The following ARB2A variants were observed in gnomAD, a reference collection of about 807,000 sequenced individuals.
The protein encoded by ARB2A is cotranscriptional regulator ARB2A.
chr5:93,638,379 A>G, the ARB2A span, among the ~76,000 whole-genome samples: 1 of 152,216 alleles, frequency 6.6e-6, no homozygotes, highest in Non-Finnish European at 1.5e-5. Context: ...TTATATATCA[A>G]TTTGTGGAAA....
chr5:94,051,971 C>T, the ARB2A span, among the ~76,000 whole-genome samples: 9 of 152,086 alleles, frequency 5.9e-5, no homozygotes, highest in Non-Finnish European at 1.3e-4. Context: ...AGGCGCATGC[C>T]ACCACGCCTG....
the ARB2A span, among the ~76,000 whole-genome samples, chr5:93,851,628 A>G: frequency 6.6e-6 from 1 of 152,130 alleles, no homozygotes; most frequent in Non-Finnish European, 1.5e-5. Context: ...AACAGTGCCC[A>G]GAGTGTGATG....
At chr5:93,683,580 C>T in the ARB2A span, 4 of 1,450,628 alleles carry the variant, frequency 2.8e-6, no homozygotes, top group Admixed American at 5.0e-5. Flanking sequence ...CTAAACTGGC[C>T]GTTCTTAAGG....
the ARB2A span, among the ~76,000 whole-genome samples, chr5:93,930,697 G>C: frequency 6.6e-6 from 1 of 152,194 alleles, no homozygotes; most frequent in East Asian, 1.9e-4. Flanking sequence ...CCCTCTTCTT[G>C]TTTTAAATAT....
chr5:93,878,327 T>C, the ARB2A span, among the ~76,000 whole-genome samples: 4 of 152,114 alleles, frequency 2.6e-5, no homozygotes, highest in East Asian at 7.7e-4. Context: ...GGCTCTGTTG[T>C]AGGCTCTGGG....
At chr5:93,631,771 G>A in the ARB2A span, among the ~76,000 whole-genome samples, 1 of 136,222 alleles carries the variant, frequency 7.3e-6, no homozygotes, top group Non-Finnish European at 1.6e-5. Flanking sequence ...CAGTTTGAGA[G>A]ACAAGACAGA....
chr5:93,758,283 C>A, the ARB2A span, among the ~76,000 whole-genome samples: 1 of 151,952 alleles, frequency 6.6e-6, no homozygotes, highest in Admixed American at 6.6e-5. Context: ...AGATAGACAG[C>A]AATATAAAAA....
At chr5:93,917,600 A>G in the ARB2A span, among the ~76,000 whole-genome samples, 1 of 152,168 alleles carries the variant, frequency 6.6e-6, no homozygotes, top group African/African-American at 2.4e-5. Context: ...ACAGTGGGCC[A>G]GGTGCAGTGG....
the ARB2A span, chr5:94,050,856 G>T: frequency 6.8e-7 from 1 of 1,467,218 alleles, no homozygotes; most frequent in Non-Finnish European, 9.4e-7. Flanking sequence ...AAACAATATT[G>T]CTATACTTCA....
chr5:93,872,294 T>C, the ARB2A span, among the ~76,000 whole-genome samples: 1 of 152,156 alleles, frequency 6.6e-6, no homozygotes, highest in Non-Finnish European at 1.5e-5. Flanking sequence ...TTATTCCTTA[T>C]AAAAGTCTAA....
At chr5:93,889,886 A>T in the ARB2A span, among the ~76,000 whole-genome samples, 5 of 151,946 alleles carry the variant, frequency 3.3e-5, no homozygotes, top group East Asian at 5.8e-4. Context: ...TTTAATATGA[A>T]CTTACTTTTC....
chr5:93,920,939 A>G, the ARB2A span, among the ~76,000 whole-genome samples: 1 of 152,226 alleles, frequency 6.6e-6, no homozygotes, highest in Non-Finnish European at 1.5e-5. Context: ...CTGTTCTTGC[A>G]TATTTTTCAT....
At chr5:93,771,083 C>T in the ARB2A span, among the ~76,000 whole-genome samples, 2 of 152,186 alleles carry the variant, frequency 1.3e-5, no homozygotes, top group Non-Finnish European at 1.5e-5. Context: ...ACCAAAACAG[C>T]ATGGTACTGG....
the ARB2A span, among the ~76,000 whole-genome samples, chr5:93,791,738 A>C: frequency 2.0e-5 from 3 of 152,142 alleles, no homozygotes. Context: ...GTAAACTGAA[A>C]CTTCTTGGGT....
At chr5:93,806,828 T>C in the ARB2A span, among the ~76,000 whole-genome samples, 5 of 152,084 alleles carry the variant, frequency 3.3e-5, no homozygotes, top group South Asian at 8.3e-4. Context: ...TGTTTTTCTG[T>C]AAAATTTAAC....
At chr5:94,073,108 T>C in the ARB2A span, among the ~76,000 whole-genome samples, 2 of 152,094 alleles carry the variant, frequency 1.3e-5, no homozygotes, top group African/African-American at 4.8e-5. Flanking sequence ...CAGAGAGTGA[T>C]CATCATTAGT....
the ARB2A span, among the ~76,000 whole-genome samples, chr5:93,964,269 A>C: frequency 2.0e-5 from 3 of 151,994 alleles, no homozygotes; most frequent in African/African-American, 7.2e-5. Flanking sequence ...TCTTTATAAG[A>C]ACTACTGTGC....
chr5:94,103,474 C>T, the ARB2A span, among the ~76,000 whole-genome samples: 1 of 151,916 alleles, frequency 6.6e-6, no homozygotes, highest in Admixed American at 6.6e-5. Flanking sequence ...TTTAACTACC[C>T]TAAATATACA....
At chr5:93,712,034 T>G in the ARB2A span, among the ~76,000 whole-genome samples, 4 of 152,192 alleles carry the variant, frequency 2.6e-5, 1 homozygote, top group South Asian at 8.3e-4. Context: ...ACTGAGAGGA[T>G]GAGTGCTGGG....
Sources: gnomAD v4.1 joint callset for allele counts (sites outside exome capture counted in the v4.1 genomes callset) on GRCh38, gnomAD v4.1.1 for gene constraint, MANE v1.5 for transcripts, NCBI Gene and HGNC (gene_info 2026-07-23, HGNC 2026-07-21) for gene names.